RPS6KC1: variants seen among roughly 807,000 people sequenced by gnomAD.
RPS6KC1 encodes ribosomal protein S6 kinase C1, also known as inactive ribosomal protein S6 kinase delta-1.
A neutral mutation model predicts 103.8 loss-of-function variants in RPS6KC1; 54 were observed. The observed-to-expected ratio is 0.52, with a 90% CI of 0.42 to 0.65. The LOEUF (loss-of-function observed/expected upper bound fraction) is 0.65. Among genes scored for constraint, RPS6KC1 ranks in the 30% least tolerant of loss-of-function variants. The pLI, the probability that RPS6KC1 is intolerant of heterozygous loss-of-function variation, is 0.00. For synonymous variants in RPS6KC1, 439 were observed against 438.7 expected, an observed-to-expected ratio of 1.00 and a Z score of -0.01; for missense variants, 1,151 against 1,253.8, an observed-to-expected ratio of 0.92 and a Z score of 1.24.
the RPS6KC1 span, among the ~76,000 whole-genome samples, chr1:213,475,671 A>G: frequency 1.3e-5 from 2 of 152,002 alleles, no homozygotes; most frequent in East Asian, 3.9e-4. Flanking sequence ...ATGAAAGTTC[A>G]GGGTTCCATG....
the RPS6KC1 span, among the ~76,000 whole-genome samples, chr1:213,490,137 G>A: frequency 6.6e-6 from 1 of 152,190 alleles, no homozygotes; most frequent in Non-Finnish European, 1.5e-5. Flanking sequence ...GGGCAGTGAG[G>A]ATGGAGAAGG....
chr1:213,297,677 G>A, the RPS6KC1 span, among the ~76,000 whole-genome samples: 1 of 152,178 alleles, frequency 6.6e-6, no homozygotes, highest in East Asian at 1.9e-4. Context: ...CACCTAGCCT[G>A]GAATGTAGTG....
the RPS6KC1 span, among the ~76,000 whole-genome samples, chr1:213,522,208 A>G: frequency 6.6e-6 from 1 of 152,248 alleles, no homozygotes; most frequent in Non-Finnish European, 1.5e-5. Flanking sequence ...AGAGCTCTTG[A>G]GTAACCAGAT....
intron 1 of RPS6KC1, among the ~76,000 whole-genome samples, chr1:213,059,838 A>T (rs774050886): frequency 6.6e-6 from 1 of 152,096 alleles, no homozygotes; most frequent in Non-Finnish European, 1.5e-5. Context: ...GTGCCCAGCT[A>T]ATTTTTATGT....
the RPS6KC1 span, among the ~76,000 whole-genome samples, chr1:213,549,555 AG>A: frequency 1.3e-5 from 2 of 151,718 alleles, no homozygotes; most frequent in Non-Finnish European, 2.9e-5. Context: ...TAGGGCAAGA[AG>A]GAGGCAGGCA....
At chr1:213,151,610 C>A (rs530240479) in intron 6 of RPS6KC1, among the ~76,000 whole-genome samples, 147 of 93,938 alleles carry the variant, frequency 1.6e-3, no homozygotes, top group Non-Finnish European at 2.5e-3. Flanking sequence ...CTGACCCCCC[C>A]ACCTCCATCC....
At chr1:213,438,571 C>T in the RPS6KC1 span, among the ~76,000 whole-genome samples, 1 of 152,134 alleles carries the variant, frequency 6.6e-6, no homozygotes, top group Admixed American at 6.5e-5. Flanking sequence ...ATTGAGGCTG[C>T]TCCTCCTTAG....
At chr1:213,222,767 TAGC>T (rs1436491644) in intron 8 of RPS6KC1, among the ~76,000 whole-genome samples, 1 of 152,242 alleles carries the variant, frequency 6.6e-6, no homozygotes, top group Non-Finnish European at 1.5e-5. Context: ...AGATTTATTT[TAGC>T]AGAAAATATG....
chr1:213,191,344 T>C (rs1238634783), intron 8 of RPS6KC1, among the ~76,000 whole-genome samples: 2 of 152,214 alleles, frequency 1.3e-5, no homozygotes, highest in African/African-American at 2.4e-5. Flanking sequence ...GTTTTCATCG[T>C]AGAGATCTTT....
chr1:213,088,903 T>C (rs1248976359), intron 3 of RPS6KC1, among the ~76,000 whole-genome samples: 1 of 152,168 alleles, frequency 6.6e-6, no homozygotes, highest in African/African-American at 2.4e-5. Context: ...ACGTTTTACA[T>C]TTCACGCCTA....
At chr1:213,327,086 A>G in the RPS6KC1 span, among the ~76,000 whole-genome samples, 1 of 147,264 alleles carries the variant, frequency 6.8e-6, no homozygotes, top group Non-Finnish European at 1.5e-5. Flanking sequence ...GGTCAAGTTG[A>G]ATTAAACCCT....
chr1:213,551,342 A>G, the RPS6KC1 span, among the ~76,000 whole-genome samples: 3 of 152,246 alleles, frequency 2.0e-5, no homozygotes, highest in African/African-American at 7.2e-5. Context: ...CAGCCCAGAC[A>G]AAAGGGGGAA....
the RPS6KC1 span, among the ~76,000 whole-genome samples, chr1:213,845,969 T>C: frequency 6.6e-6 from 1 of 151,950 alleles, no homozygotes; most frequent in Non-Finnish European, 1.5e-5. Flanking sequence ...CATTTTGGAC[T>C]CTTTGGCTTC....
At chr1:213,396,980 T>C in the RPS6KC1 span, among the ~76,000 whole-genome samples, 13 of 152,206 alleles carry the variant, frequency 8.5e-5, no homozygotes, top group African/African-American at 2.4e-4. Context: ...CCTCTCTTTG[T>C]AGAGGCTTCC....
At chr1:213,459,397 T>C in the RPS6KC1 span, among the ~76,000 whole-genome samples, 1 of 152,350 alleles carries the variant, frequency 6.6e-6, no homozygotes, top group Middle Eastern at 3.4e-3. Context: ...GTGTTTATCA[T>C]CTTCTCTGAT....
chr1:213,087,120 A>G (rs1019239248), intron 3 of RPS6KC1, among the ~76,000 whole-genome samples: 1 of 152,032 alleles, frequency 6.6e-6, no homozygotes, highest in Non-Finnish European at 1.5e-5. Flanking sequence ...TTTTTTTTAC[A>G]GATGAAATGG....
chr1:213,403,770 A>G, the RPS6KC1 span, among the ~76,000 whole-genome samples: 2 of 152,150 alleles, frequency 1.3e-5, no homozygotes, highest in African/African-American at 4.8e-5. Context: ...ATCTGGGGGA[A>G]AAGGGGTAGT....
the RPS6KC1 span, among the ~76,000 whole-genome samples, chr1:213,803,498 C>T: frequency 4.6e-5 from 7 of 152,188 alleles, no homozygotes; most frequent in South Asian, 2.1e-4. Context: ...CCGCCCGCCT[C>T]GGCCTCCCAA....
the RPS6KC1 span, among the ~76,000 whole-genome samples, chr1:213,307,708 C>T: frequency 2.6e-5 from 4 of 152,266 alleles, no homozygotes; most frequent in Non-Finnish European, 5.9e-5. Flanking sequence ...GCGGGGTCTC[C>T]CAAGGGGCAT....
Sources: allele counts gnomAD v4.1 joint callset (sites outside exome capture counted in the v4.1 genomes callset), GRCh38; gene constraint gnomAD v4.1.1; transcripts MANE v1.5; gene names NCBI Gene and HGNC (gene_info 2026-07-23, HGNC 2026-07-21).